Variants in CBLC observed in about 807,000 individuals in gnomAD.
CBLC encodes the protein E3 ubiquitin-protein ligase CBL-C.
Under a neutral mutation model 58.6 loss-of-function variants are expected in CBLC, and 46 were observed. That is an observed-to-expected ratio of 0.79 (90% CI 0.62 to 1.00). CBLC has a LOEUF of 1.00. Among genes scored for constraint, CBLC ranks in the 50% least tolerant of loss-of-function variants. The probability of loss-of-function intolerance (pLI) is 0.00; values close to 1 mark genes in which losing one functional copy is unlikely to be tolerated. For missense variants in CBLC, 655 were observed against 625.8 expected (o/e 1.05, Z -0.50); for synonymous variants, 271 against 264.2 (o/e 1.03, Z -0.25).
chr19:44,790,008 C>T lies in CBLC; in HGVS notation c.922C>T (p.Leu308Phe), dbSNP rs147455821. Residue 308 changes from leucine to phenylalanine, a missense_variant, in exon 6 of 11, where the codon CTC (leucine) becomes TTC (phenylalanine). Leu to Phe is a conservative substitution (Grantham distance 22, BLOSUM62 0). Around this residue, in one of 3 missense-constraint regions of CBLC, gnomAD observed 371 missense variants for 370.8 expected, o/e 1.00. Transcript: ENST00000647358. ...CCCTCTCTTCCCTTCCCCCAGCTAC[C>T]TCTACCCAGATGGAAAGACCCACAA... ...LLEGQKDGFY[L>F]YPDGKTHNPD... 2.2e-5 allele frequency: 36 copies of T among 1,612,978 alleles called. No homozygotes were observed. The highest frequency in any genetic ancestry group is 3.0e-5 in the Non-Finnish European group (35 of 1,179,112).
At chr19:44,785,531 GGTAGA>G (rs1197678792) in intron 5 of CBLC, among the ~76,000 whole-genome samples, 5 of 106,434 alleles carry the variant, frequency 4.7e-5, no homozygotes, top group Non-Finnish European at 8.0e-5. Context: ...TAGTCAGATA[GGTAGA>G]TAGATAGATA....
rs148762179 is a variant in CBLC, at chr19:44,791,471, G to A, written c.1006-912G>A. Among the ~76,000 whole-genome samples, 10 of 152,148 alleles carry A rather than the reference G, an allele frequency of 6.6e-5. No individual in the cohort carries two copies. In the East Asian group the frequency reaches 1.2e-3, roughly 18 times the overall value. ...GACATGGCCGGGCGAGGTGGCTCACGCCTGTAATTCCAGCACTTTGGGAGG... is the reference window on the plus strand; with the variant it reads ...GACATGGCCGGGCGAGGTGGCTCACACCTGTAATTCCAGCACTTTGGGAGG... On this transcript the variant is annotated intron_variant, in intron 6 of 10. Transcript: ENST00000647358.
At chr19:44,785,011 G>A (rs140211768) in intron 5 of CBLC, among the ~76,000 whole-genome samples, 2,002 of 113,998 alleles carry the variant, frequency 0.018, 66 homozygotes, top group African/African-American at 0.062. Flanking sequence ...TTGCTCTGTC[G>A]CCCTGACTGG....
In CBLC at chr19:44,780,555, C is replaced by T. The variant is rs559545314; in HGVS notation, c.354-350C>T. 1.8e-3 allele frequency among the ~76,000 whole-genome samples: 264 copies of T among 150,794 alleles called. 2 individuals are homozygous for T. Among genetic ancestry groups the T allele is most frequent in the African/African-American group, 6.1e-3 (250 of 40,954 alleles). ...TGGCGTGATCTCAGCTCACTGCTAC[C>T]TCTGCCTCCCGGGCTCCAGCGATTC... On this transcript the variant is annotated intron_variant, in intron 1 of 10. Transcript: ENST00000647358.
intron 8 of CBLC, 144 bp downstream of exon 8, chr19:44,793,764 C>CTCTG (rs2122496464): frequency 1.4e-6 from 1 of 731,998 alleles, no homozygotes; most frequent in Admixed American, 3.2e-5. Flanking sequence ...GGAGCCTGTA[C>CTCTG]TCTGAGTCTA....
At chr19:44,798,039 C>T (rs1028270100) in intron 9 of CBLC, among the ~76,000 whole-genome samples, 7 of 152,020 alleles carry the variant, frequency 4.6e-5, no homozygotes, top group Non-Finnish European at 4.4e-5. Flanking sequence ...GCTGTCTGCA[C>T]GCTGCTGTTC....
chr19:44,786,819 CAG>C, intron 5 of CBLC, among the ~76,000 whole-genome samples: 1 of 151,374 alleles, frequency 6.6e-6, no homozygotes. Context: ...ACAGAAAAAT[CAG>C]AGGCCGGGCA....
chr19:44,789,985 C>G lies in CBLC; in HGVS notation c.918-19C>G. On this transcript the variant is annotated intron_variant, in intron 5 of 10. Coordinates refer to ENST00000647358, the MANE Select transcript of CBLC (RefSeq NM_012116.4). ...AATACTGGATGGCCCCCCAGTCCCC[C>G]TCTCTTCCCTTCCCCCAGCTACCTC... is the stretch of plus-strand genomic sequence containing the variant. 3 of 1,580,996 alleles carry G rather than the reference C, an allele frequency of 1.9e-6. No individual in the cohort carries two copies. The highest frequency in any genetic ancestry group is 2.6e-6 in the Non-Finnish European group (3 of 1,149,768).
chr19:44,793,765 T>C, intron 8 of CBLC, 145 bp downstream of exon 8: 1 of 715,706 alleles, frequency 1.4e-6, no homozygotes, highest in African/African-American at 2.9e-5. Flanking sequence ...GAGCCTGTAC[T>C]CTGAGTCTAA....
At chr19:44,780,810 C>T (rs1967703283) in intron 1 of CBLC, 95 bp from the exon 2 acceptor site, 1 of 1,323,292 alleles carries the variant, frequency 7.6e-7, no homozygotes, top group African/African-American at 1.4e-5. Flanking sequence ...AGATAGAGTC[C>T]AGAGCCTTAT....
intron 3 of CBLC, among the ~76,000 whole-genome samples, chr19:44,781,853 A>G (rs1297745928): frequency 8.9e-3 from 175 of 19,570 alleles, no homozygotes; most frequent in South Asian, 0.03. Flanking sequence ...TTGAGGGAGG[A>G]GAGGGCGGGG....
chr19:44,788,546 A>G (rs1223638605), intron 5 of CBLC, among the ~76,000 whole-genome samples: 1 of 145,096 alleles, frequency 6.9e-6, no homozygotes. Flanking sequence ...GTGGTGCGAT[A>G]TCCATTCACT....
rs1432824852 is a variant in CBLC, at chr19:44,784,291, C to T, written c.807C>T (p.Arg269=). ...GSYIFRPSCT[R]LGQWAIGYVS... Reference sequence around the variant, plus strand: ...ACATCTTCCGGCCCAGCTGTACTCGCCTGGGGCAGTGGGCCATCGGCTATG... The same window carrying T: ...ACATCTTCCGGCCCAGCTGTACTCGTCTGGGGCAGTGGGCCATCGGCTATG... Residue 269 remains arginine (R), a synonymous_variant, in exon 5 of 11, where the codon CGC becomes CGT. Transcript: ENST00000647358. The T allele has an allele frequency of 7.5e-6, 12 of 1,591,070 alleles. No individual in the cohort carries two copies. Among genetic ancestry groups the T allele is most frequent in the Non-Finnish European group, 9.5e-6 (11 of 1,161,558 alleles).
intron 5 of CBLC, 103 bp downstream of exon 5, chr19:44,784,504 A>G: frequency 8.5e-7 from 1 of 1,180,266 alleles, no homozygotes; most frequent in Non-Finnish European, 1.2e-6. Context: ...GGGTGCAACC[A>G]TTCACATAGG....
At position 44,791,393 on chromosome 19, in the gene CBLC, G is replaced by A. The variant is rs550006316; in HGVS notation, c.1006-990G>A. Among the ~76,000 whole-genome samples the A allele has an allele frequency of 1.1e-4, 17 of 152,164 alleles. No individual in the cohort carries two copies. In the South Asian group the frequency reaches 2.7e-3, roughly 24 times the overall value. On this transcript the variant is annotated intron_variant, in intron 6 of 10. Coordinates refer to ENST00000647358, the MANE Select transcript of CBLC (RefSeq NM_012116.4). Reference sequence around the variant, plus strand: ...CCAATACTTTTATTTGCTAAATCTGGCACCACTGGGTGTAGACAACTGGGG... The same window carrying A: ...CCAATACTTTTATTTGCTAAATCTGACACCACTGGGTGTAGACAACTGGGG...
In CBLC at chr19:44,782,414, C is replaced by T. The variant is rs1460894721; in HGVS notation, c.702C>T (p.Asn234=). Residue 234 remains asparagine (N), a synonymous_variant, in exon 4 of 11, where the codon AAC becomes AAT. Transcript: ENST00000647358. The part of the protein sequence containing the change: ...LLKNWQLLAV[N]HPGYMAFLTY... ...AGAACTGGCAGCTCCTGGCAGTCAA[C>T]CACCCAGGCTACATGGCCTTCCTCA... is the stretch of plus-strand genomic sequence containing the variant. The T allele has an allele frequency of 1.9e-6, 3 of 1,613,648 alleles. No individual in the cohort carries two copies. The highest frequency in any genetic ancestry group is 2.2e-5 in the East Asian group (1 of 44,888).
At chr19:44,787,757 C>A (rs1967947963) in intron 5 of CBLC, among the ~76,000 whole-genome samples, 2 of 148,748 alleles carry the variant, frequency 1.3e-5, no homozygotes, top group African/African-American at 2.5e-5. Flanking sequence ...GCAGAGGTTG[C>A]AGTGAGCCGA....
chr19:44,797,285 T>C (rs895908090), intron 9 of CBLC, among the ~76,000 whole-genome samples: 29 of 152,132 alleles, frequency 1.9e-4, no homozygotes, highest in Admixed American at 1.9e-3. Context: ...GAGTCTCACT[T>C]TGTCACCCAG....
chr19:44,782,268 T>C, intron 3 of CBLC, 102 bp from the exon 4 acceptor site: 1 of 1,526,308 alleles, frequency 6.6e-7, no homozygotes, highest in South Asian at 1.2e-5. Flanking sequence ...AGGCCCACCA[T>C]GGGTGTGAAG....
Sources: gnomAD v4.1 joint callset for allele counts (sites outside exome capture counted in the v4.1 genomes callset) on GRCh38, gnomAD v4.1.1 for gene constraint, gnomAD v4.1.1 regional missense constraint, MANE v1.5 for transcripts, NCBI Gene and HGNC (gene_info 2026-07-23, HGNC 2026-07-21) for gene names.